DNAH6: variants seen among roughly 807,000 people sequenced by gnomAD.
DNAH6 encodes dynein axonemal heavy chain 6.
A neutral mutation model predicts 491.4 loss-of-function variants in DNAH6; 340 were observed. The ratio of observed to expected loss-of-function variants is 0.69; its 90% CI spans 0.63 to 0.76. DNAH6 has a LOEUF of 0.76. Among genes scored for constraint, DNAH6 ranks in the 30% least tolerant of loss-of-function variants. The pLI, the probability that DNAH6 is intolerant of heterozygous loss-of-function variation, is 0.00. For synonymous variants in DNAH6, 1,603 were observed against 1,686.1 expected, an observed-to-expected ratio of 0.95 and a Z score of 1.21; for missense variants, 4,443 against 4,972.2, an observed-to-expected ratio of 0.89 and a Z score of 3.20.
intron 7 of DNAH6, among the ~76,000 whole-genome samples, 168 bp from the exon 8 acceptor site, chr2:84,548,120 G>T (rs903175601): frequency 3.9e-5 from 6 of 152,186 alleles, no homozygotes; most frequent in Non-Finnish European, 7.4e-5. Flanking sequence ...GAAATCCTTT[G>T]ATGTAAACTT....
At chr2:84,643,970 G>T (rs1689656125) in intron 33 of DNAH6, among the ~76,000 whole-genome samples, 1 of 151,542 alleles carries the variant, frequency 6.6e-6, no homozygotes, top group Non-Finnish European at 1.5e-5. Context: ...ATATTTTCTT[G>T]ATAGCTGGAC....
At chr2:84,484,705 C>G in the DNAH6 span, among the ~76,000 whole-genome samples, 2 of 152,136 alleles carry the variant, frequency 1.3e-5, no homozygotes, top group African/African-American at 4.8e-5. Context: ...TAGATTGGGC[C>G]TACATGAATA....
At chr2:84,750,019 C>T (rs1404793681) in intron 63 of DNAH6, among the ~76,000 whole-genome samples, 2 of 152,042 alleles carry the variant, frequency 1.3e-5, no homozygotes, top group Non-Finnish European at 2.9e-5. Context: ...TAATTACATA[C>T]TATTAAATAT....
intron 60 of DNAH6, among the ~76,000 whole-genome samples, chr2:84,725,526 T>G (rs1698542976): frequency 6.6e-6 from 1 of 152,270 alleles, no homozygotes; most frequent in Admixed American, 6.5e-5. Flanking sequence ...CCAAATCCTG[T>G]AATGCCACCT....
chr2:84,709,356 GGAT>G lies in DNAH6; in HGVS notation c.9063_9065del (p.Trp3021_Ile3022delinsCys). 1 of 1,551,518 alleles carries G rather than the reference GGAT, an allele frequency of 6.4e-7. No homozygotes were observed. The highest frequency in any genetic ancestry group is 8.7e-7 in the Non-Finnish European group (1 of 1,146,966). ...CCCCTTCTACAGCTTATAGAGTGTT[GGAT>G]CCAGGACTGTCAGTCTCTGGAGATC... On this transcript the variant is annotated inframe_deletion, in exon 55 of 77. Coordinates refer to ENST00000389394, the MANE Select transcript of DNAH6 (RefSeq NM_001370.2).
intron 4 of DNAH6, among the ~76,000 whole-genome samples, chr2:84,535,406 A>C (rs1677591076): frequency 6.6e-6 from 1 of 152,010 alleles, no homozygotes. Flanking sequence ...TATTTGTATA[A>C]AAATGTTATC....
intron 68 of DNAH6, among the ~76,000 whole-genome samples, chr2:84,790,726 A>G (rs1453672609): frequency 3.3e-5 from 5 of 152,238 alleles, no homozygotes; most frequent in Non-Finnish European, 4.4e-5. Context: ...TTAAAAGATA[A>G]TAACAAACGC....
At chr2:84,689,956 C>A (rs1455538282) in intron 45 of DNAH6, among the ~76,000 whole-genome samples, 2 of 152,176 alleles carry the variant, frequency 1.3e-5, no homozygotes, top group African/African-American at 4.8e-5. Context: ...TTTATCTTCT[C>A]CAGGCAAAAT....
chr2:84,652,034 A>G (rs1445746154), intron 33 of DNAH6, among the ~76,000 whole-genome samples: 3 of 152,074 alleles, frequency 2.0e-5, no homozygotes, highest in Admixed American at 6.6e-5. Context: ...CTACTTTAAC[A>G]TGAAAGGTCT....
At chr2:84,577,225 A>C (rs1682535908) in intron 12 of DNAH6, 32 bp from the exon 13 acceptor site, 1 of 1,414,114 alleles carries the variant, frequency 7.1e-7, no homozygotes, top group African/African-American at 1.5e-5. Context: ...AATATGGTAT[A>C]TTTTATGCTT....
At chr2:84,695,997 T>A (rs1043475504) in intron 46 of DNAH6, among the ~76,000 whole-genome samples, 1 of 151,992 alleles carries the variant, frequency 6.6e-6, no homozygotes, top group Non-Finnish European at 1.5e-5. Context: ...CATGTGTCTA[T>A]ACATGAACTT....
chr2:84,722,072 G>T (rs1458720069), intron 59 of DNAH6, among the ~76,000 whole-genome samples: 1 of 152,172 alleles, frequency 6.6e-6, no homozygotes, highest in Non-Finnish European at 1.5e-5. Context: ...AACTCATTTG[G>T]GGTTATAATC....
chr2:84,741,025 G>GGCTT (rs1672477810), intron 62 of DNAH6, among the ~76,000 whole-genome samples: 1 of 152,178 alleles, frequency 6.6e-6, no homozygotes, highest in African/African-American at 2.4e-5. Context: ...GTCAGCCATG[G>GGCTT]GCTTGCACCT....
At chr2:84,507,421 C>A in the DNAH6 span, among the ~76,000 whole-genome samples, 1 of 152,298 alleles carries the variant, frequency 6.6e-6, no homozygotes, top group African/African-American at 2.4e-5. Context: ...GATTTTGTAA[C>A]CTGAGACTTT....
chr2:84,485,236 C>G, the DNAH6 span, among the ~76,000 whole-genome samples: 1 of 152,112 alleles, frequency 6.6e-6, no homozygotes, highest in Admixed American at 6.5e-5. Context: ...GTGCTGTACT[C>G]TTAAGAATTA....
chr2:84,776,971 A>T (rs1248095612), intron 64 of DNAH6, among the ~76,000 whole-genome samples: 4 of 152,186 alleles, frequency 2.6e-5, no homozygotes. Context: ...GGAAACCATC[A>T]TTCTCAGCAA....
intron 11 of DNAH6, among the ~76,000 whole-genome samples, chr2:84,563,054 C>A (rs1388426689): frequency 6.6e-6 from 1 of 152,078 alleles, no homozygotes; most frequent in East Asian, 1.9e-4. Flanking sequence ...GGGCAGTTCC[C>A]CCGCACATGA....
chr2:84,497,641 T>C, the DNAH6 span, among the ~76,000 whole-genome samples: 1 of 152,224 alleles, frequency 6.6e-6, no homozygotes, highest in Non-Finnish European at 1.5e-5. Context: ...CATAGGCTAT[T>C]GCTAGGGTGT....
chr2:84,718,713 T>A (rs1415982113), intron 59 of DNAH6, among the ~76,000 whole-genome samples: 3 of 152,242 alleles, frequency 2.0e-5, no homozygotes, highest in Admixed American at 2.0e-4. Flanking sequence ...TATTCCCAGT[T>A]GGAATTAACT....
Sources: allele counts gnomAD v4.1 joint callset (sites outside exome capture counted in the v4.1 genomes callset), GRCh38; gene constraint gnomAD v4.1.1; transcripts MANE v1.5; gene names NCBI Gene and HGNC (gene_info 2026-07-23, HGNC 2026-07-21).